The following NSD2 variants were observed in gnomAD, a reference collection of about 807,000 sequenced individuals.
NSD2 encodes the protein histone-lysine N-methyltransferase NSD2.
NSD2 carries 12 observed loss-of-function variants against 139.0 expected under a neutral mutation model. The ratio of observed to expected loss-of-function variants is 0.09; its 90% CI spans 0.06 to 0.14. NSD2 has a LOEUF of 0.14. NSD2 is among the 10% of genes least tolerant of loss of function. NSD2 has a pLI of 1.00. For synonymous variants in NSD2, 669 were observed against 648.7 expected (o/e 1.03, Z -0.48); for missense variants, 1,155 against 1,745.0 (o/e 0.66, Z 6.02).
chr4:1,941,423 A>C (rs1723083118), intron 9 of NSD2: 6 of 1,048,110 alleles, frequency 5.7e-6, no homozygotes, highest in Non-Finnish European at 4.6e-6. Flanking sequence ...GATTTAGAGT[A>C]ATGCATGAGG....
chr4:1,965,731 C>T (rs1010745934), intron 18 of NSD2, among the ~76,000 whole-genome samples: 2 of 152,138 alleles, frequency 1.3e-5, no homozygotes, highest in Non-Finnish European at 2.9e-5. Flanking sequence ...AAGAAACTTA[C>T]CATCACGGTG....
At chr4:1,913,160 CAGA>C (rs1398466635) in intron 3 of NSD2, among the ~76,000 whole-genome samples, 1 of 152,206 alleles carries the variant, frequency 6.6e-6, no homozygotes, top group Non-Finnish European at 1.5e-5. Flanking sequence ...GAGAAGTGAC[CAGA>C]AGACGAGTGT....
intron 5 of NSD2, among the ~76,000 whole-genome samples, 158 bp from the exon 6 acceptor site, chr4:1,930,468 A>G (rs1721508481): frequency 6.6e-6 from 1 of 152,214 alleles, no homozygotes; most frequent in South Asian, 2.1e-4. Flanking sequence ...GTTAAGCACT[A>G]CTTTTCTTTG....
intron 16 of NSD2, 36 bp from the exon 17 acceptor site, chr4:1,959,435 A>T: frequency 6.2e-7 from 1 of 1,600,032 alleles, no homozygotes; most frequent in South Asian, 1.1e-5. Context: ...GAAGGCTCTC[A>T]TGTGTGGACC....
At chr4:1,899,967 A>G (rs970035897) in intron 1 of NSD2, among the ~76,000 whole-genome samples, 1 of 152,222 alleles carries the variant, frequency 6.6e-6, no homozygotes, top group African/African-American at 2.4e-5. Flanking sequence ...TACTGGGTTG[A>G]GCATAGCCAG....
chr4:1,891,443 G>A lies in NSD2; in HGVS notation c.-29-9183G>A, dbSNP rs186804708. On this transcript the variant is annotated intron_variant, in intron 1 of 21. Coordinates refer to ENST00000508803, the MANE Select transcript of NSD2 (RefSeq NM_001042424.3). ...CTGAATATCTCACTGCTGTCCTAGG[G>A]TTGAGACCTCCTTCTGCTCAGTTGG... Among the ~76,000 whole-genome samples the A allele has an allele frequency of 9.8e-4, 150 of 152,312 alleles. 1 individual carries two copies. Among genetic ancestry groups the A allele is most frequent in the African/African-American group, 3.5e-3 (145 of 41,568 alleles).
chr4:1,952,131 C>G lies in NSD2; in HGVS notation c.2037C>G (p.Leu679=). Residue 679 remains leucine (L), a synonymous_variant, in exon 11 of 22, where the codon CTC becomes CTG. Transcript: ENST00000508803. The stretch of plus-strand genomic sequence containing the variant: ...AGCTGTGTGAGAAGCCGGGCAGCCT[C>G]CTGCTCTGTGAAGGACCCTGCTGCG... ...VCQLCEKPGS[L]LLCEGPCCGA... The G allele has an allele frequency of 2.5e-6, 4 of 1,614,142 alleles. No homozygotes were observed. Among genetic ancestry groups the G allele is most frequent in the Non-Finnish European group, 3.4e-6 (4 of 1,180,018 alleles).
In NSD2 at chr4:1,972,853, C is replaced by G. The variant is rs912567576; in HGVS notation, c.3373-2010C>G. On this transcript the variant is annotated intron_variant, in intron 18 of 21. Coordinates refer to ENST00000508803, the MANE Select transcript of NSD2 (RefSeq NM_001042424.3). This position sits in a 1 kb window ranked among gnomAD's most constrained non-coding sequence, Gnocchi z 4.0. ...GGAAGCTATGGGAAAGTTTTTGACACATTTTTTTTTCTTTTTGGAGACGGA... is the reference window on the plus strand; with the variant it reads ...GGAAGCTATGGGAAAGTTTTTGACAGATTTTTTTTTCTTTTTGGAGACGGA... Among the ~76,000 whole-genome samples, 4 of 152,080 alleles carry G rather than the reference C, an allele frequency of 2.6e-5. No homozygotes were observed. The highest frequency in any genetic ancestry group is 7.2e-5 in the African/African-American group (3 of 41,416).
chr4:1,884,219 C>A (rs948362671), intron 1 of NSD2, among the ~76,000 whole-genome samples: 1 of 151,700 alleles, frequency 6.6e-6, no homozygotes, highest in Non-Finnish European at 1.5e-5. Flanking sequence ...CCTCAGCCTC[C>A]CAAGTAGCTG....
intron 9 of NSD2, chr4:1,941,082 A>G: frequency 9.5e-7 from 1 of 1,056,014 alleles, no homozygotes; most frequent in Non-Finnish European, 1.1e-6. Context: ...TTACTGAAAC[A>G]TCTAGGAGCT....
At position 1,942,481 on chromosome 4, in the gene NSD2, T is replaced by C; in HGVS notation, c.1881+2703T>C. The C allele has an allele frequency of 6.5e-7, 1 of 1,540,576 alleles. No homozygotes were observed. The highest frequency in any genetic ancestry group is 8.8e-7 in the Non-Finnish European group (1 of 1,142,520). ...AGTGACATTTCTATCACAATCATTT[T>C]ATGGAAGATGTGTGATAATCTGTTT... On this transcript the variant is annotated intron_variant, in intron 9 of 21. Transcript: ENST00000508803. The surrounding 1 kb of genome is among the most constrained non-coding windows in gnomAD (Gnocchi z 4.0).
intron 1 of NSD2, among the ~76,000 whole-genome samples, chr4:1,882,505 C>T (rs1714776006): frequency 6.6e-6 from 1 of 152,080 alleles, no homozygotes; most frequent in African/African-American, 2.4e-5. Flanking sequence ...CTACTAAAAA[C>T]ACACAAAAAT....
At chr4:1,931,487 T>C (rs1721626613) in intron 6 of NSD2, among the ~76,000 whole-genome samples, 1 of 152,094 alleles carries the variant, frequency 6.6e-6, no homozygotes, top group African/African-American at 2.4e-5. Flanking sequence ...GATTTGAATG[T>C]AAAAATAACT....
Position 1,976,692 on chromosome 4 carries a change from C to T in NSD2, c.3826+13C>T, listed in dbSNP as rs1444189030. The T allele has an allele frequency of 6.4e-7, 1 of 1,556,178 alleles. No homozygotes were observed. The highest frequency in any genetic ancestry group is 2.4e-5 in the East Asian group (1 of 41,814). On this transcript the variant is annotated intron_variant, in intron 21 of 21. Transcript: ENST00000508803. The surrounding 1 kb of genome is among the most constrained non-coding windows in gnomAD (Gnocchi z 5.3). ...AAGCGGCCCTTCGGTGGGTGTGCAG[C>T]CTCGCGGTGGCTTGCAGCTGTGTCT...
rs371687912 is a variant in NSD2 at position 1,924,302 on chromosome 4, C to T, written c.1410+5679C>T. Among the ~76,000 whole-genome samples, 13 of 152,210 alleles carry T rather than the reference C, an allele frequency of 8.5e-5. No individual in the cohort carries two copies. In the East Asian group the frequency reaches 1.2e-3, roughly 14 times the overall value. On this transcript the variant is annotated intron_variant, in intron 5 of 21. Coordinates refer to ENST00000508803, the MANE Select transcript of NSD2 (RefSeq NM_001042424.3). Reference sequence around the variant, plus strand: ...CTCCAGTGTTTGACAGCTAGGCCTGCGCAGGGTTGGTGAGGTGCTGTATGC... The same window carrying T: ...CTCCAGTGTTTGACAGCTAGGCCTGTGCAGGGTTGGTGAGGTGCTGTATGC...
chr4:1,970,982 T>C (rs1166039290), intron 18 of NSD2, among the ~76,000 whole-genome samples: 1 of 152,220 alleles, frequency 6.6e-6, no homozygotes, highest in Non-Finnish European at 1.5e-5. Context: ...TCGCTTACTT[T>C]TTAAAGGACT....
chr4:1,930,838 G>C, intron 6 of NSD2, 68 bp downstream of exon 6: 1 of 1,523,028 alleles, frequency 6.6e-7, no homozygotes, highest in Non-Finnish European at 8.8e-7. Context: ...GCTGAGCTCT[G>C]ATCTTGGAAC....
chr4:1,968,401 G>C (rs148595382), intron 18 of NSD2, among the ~76,000 whole-genome samples: 1 of 152,190 alleles, frequency 6.6e-6, no homozygotes, highest in Non-Finnish European at 1.5e-5. Context: ...GCGTGGTGAC[G>C]CCAGGGTGAG....
chr4:1,969,691 C>A (rs1726246397), intron 18 of NSD2, among the ~76,000 whole-genome samples: 2 of 152,190 alleles, frequency 1.3e-5, no homozygotes, highest in Admixed American at 1.3e-4. Flanking sequence ...GCCTGGGCAA[C>A]AGATTCTGTC....
Sources: allele counts gnomAD v4.1 joint callset (sites outside exome capture counted in the v4.1 genomes callset), GRCh38; gene constraint gnomAD v4.1.1; non-coding constraint Gnocchi (gnomAD v3.1); transcripts MANE v1.5; gene names NCBI Gene and HGNC (gene_info 2026-07-23, HGNC 2026-07-21).